Variants in TACC2 observed in about 807,000 individuals in gnomAD.
The protein encoded by TACC2 is transforming acidic coiled-coil containing protein 2.
Under a neutral mutation model 227.3 loss-of-function variants are expected in TACC2, and 137 were observed. That is an observed-to-expected ratio of 0.60 (90% CI 0.52 to 0.69). TACC2 has a LOEUF of 0.69. TACC2 is among the 30% of genes least tolerant of loss of function. The pLI is 0.00. For missense variants in TACC2, 3,470 were observed against 3,694.4 expected (o/e 0.94, Z 1.57); for synonymous variants, 1,523 against 1,487.5 (o/e 1.02, Z -0.55).
intron 5 of TACC2, among the ~76,000 whole-genome samples, chr10:122,094,401 C>T (rs1318836746): frequency 1.3e-5 from 2 of 152,162 alleles, no homozygotes; most frequent in African/African-American, 4.8e-5. Context: ...CTCCGTGCCT[C>T]CCAAGTAGCT....
intron 1 of TACC2, among the ~76,000 whole-genome samples, chr10:122,004,108 G>A (rs1954761904): frequency 1.3e-5 from 2 of 151,998 alleles, no homozygotes; most frequent in Admixed American, 1.3e-4. Flanking sequence ...TAAGATGTAG[G>A]TGTAGTTGGC....
chr10:122,061,508 G>A (rs971684705), intron 3 of TACC2, among the ~76,000 whole-genome samples: 9 of 152,142 alleles, frequency 5.9e-5, no homozygotes, highest in African/African-American at 2.2e-4. Flanking sequence ...ACAGACCCGG[G>A]CTTGTGCTGG....
At chr10:122,195,215 A>T (rs760219982) in intron 8 of TACC2, 39 bp downstream of exon 8, 1 of 1,554,680 alleles carries the variant, frequency 6.4e-7, no homozygotes, top group Non-Finnish European at 8.7e-7. Context: ...AGCCCTGTAG[A>T]GTTGTGAGCC....
At chr10:122,074,193 G>T (rs1238957057) in intron 3 of TACC2, among the ~76,000 whole-genome samples, 1 of 150,534 alleles carries the variant, frequency 6.6e-6, no homozygotes, top group African/African-American at 2.4e-5. Context: ...CGATTCTCCT[G>T]CCTCAGCCTC....
rs76262071 is a variant in TACC2 at position 122,077,258 on chromosome 10, G to A, written c.147-5389G>A. Reference sequence around the variant, plus strand: ...TAGCCATCCATCCTGGCACTCACTCGTACATTCATATATCAACAACATTTT... The same window carrying A: ...TAGCCATCCATCCTGGCACTCACTCATACATTCATATATCAACAACATTTT... On this transcript the variant is annotated intron_variant, in intron 3 of 22. Transcript: ENST00000369005. Among the ~76,000 whole-genome samples, 457 of 152,016 alleles carry A rather than the reference G, an allele frequency of 3.0e-3. 1 individual carries two copies. Among genetic ancestry groups the A allele is most frequent in the Non-Finnish European group, 4.4e-3 (298 of 68,010 alleles).
At chr10:122,121,754 G>A (rs1036372474) in intron 5 of TACC2, among the ~76,000 whole-genome samples, 13 of 152,178 alleles carry the variant, frequency 8.5e-5, no homozygotes, top group African/African-American at 2.4e-4. Flanking sequence ...TGCATTGCTG[G>A]CTGTGGGCTA....
At chr10:122,158,681 C>G (rs1245163775) in intron 7 of TACC2, among the ~76,000 whole-genome samples, 1 of 152,154 alleles carries the variant, frequency 6.6e-6, no homozygotes, top group Admixed American at 6.5e-5. Flanking sequence ...AAGGAGAGAA[C>G]AAGAGAACCT....
intron 5 of TACC2, among the ~76,000 whole-genome samples, chr10:122,090,342 C>T (rs562082044): frequency 3.3e-5 from 5 of 151,838 alleles, no homozygotes; most frequent in African/African-American, 9.6e-5. Context: ...GTCAGGAGAT[C>T]GAGACCATCC....
At chr10:122,203,506 T>A (rs1480300364) in intron 8 of TACC2, among the ~76,000 whole-genome samples, 1 of 147,552 alleles carries the variant, frequency 6.8e-6, no homozygotes, top group Non-Finnish European at 1.5e-5. Context: ...GCGGAGGGGC[T>A]CCTCACTTCT....
Position 122,209,534 on chromosome 10 carries a change from A to G in TACC2, c.5972-863A>G, listed in dbSNP as rs1390377009. ...CTACCCAGGATGCTTCCTCCCCAGGAGTCCTCCTGTTTCATGCACTTACCT... is the reference window on the plus strand; with the variant it reads ...CTACCCAGGATGCTTCCTCCCCAGGGGTCCTCCTGTTTCATGCACTTACCT... On this transcript the variant is annotated intron_variant, in intron 8 of 22. Coordinates refer to ENST00000369005, the MANE Select transcript of TACC2 (RefSeq NM_206862.4). The surrounding 1 kb of genome is among the most constrained non-coding windows in gnomAD (Gnocchi z 4.5). Among the ~76,000 whole-genome samples, 1 of 152,100 alleles carries G rather than the reference A, an allele frequency of 6.6e-6. No individual in the cohort carries two copies. Among genetic ancestry groups the G allele is most frequent in the Non-Finnish European group, 1.5e-5 (1 of 68,018 alleles).
chr10:122,079,126 A>C (rs888110984), intron 3 of TACC2: 1 of 152,182 alleles, frequency 6.6e-6, no homozygotes. Flanking sequence ...TGAATTACAC[A>C]CCATTACTCT....
Position 122,192,551 on chromosome 10 carries a change from TCA to T in TACC2, c.5835-2486_5835-2485del, listed in dbSNP as rs1249437881. ...CGGGGCCTCCGGACGCTGGAGAAGC[TCA>T]CAGCATCTGTGGCCGGTGGTGCAGC... On this transcript the variant is annotated intron_variant, in intron 7 of 22. Transcript: ENST00000369005. The T allele has an allele frequency of 1.3e-5, 5 of 390,412 alleles. No homozygotes were observed. In the Admixed American group the frequency reaches 1.3e-4, roughly 11 times the overall value. The allele number at this position is 390,412 out of a possible 1,614,324, so 24.2% of individuals were successfully genotyped here. A position where few individuals can be genotyped will look rare whatever the true frequency, so the allele number is the denominator to read the frequency against.
Position 122,180,556 on chromosome 10 carries a change from T to C in TACC2, c.5835-14484T>C, listed in dbSNP as rs1455263908. On this transcript the variant is annotated intron_variant, in intron 7 of 22. Coordinates refer to ENST00000369005, the MANE Select transcript of TACC2 (RefSeq NM_206862.4). The surrounding 1 kb of genome is among the most constrained non-coding windows in gnomAD (Gnocchi z 4.5). ...GGTTTCACCATGTTAGCCAGGATGGTCTCGATCTCCTGACCTTGTGATCCA... is the reference window on the plus strand; with the variant it reads ...GGTTTCACCATGTTAGCCAGGATGGCCTCGATCTCCTGACCTTGTGATCCA... Among the ~76,000 whole-genome samples, 1 of 152,140 alleles carries C rather than the reference T, an allele frequency of 6.6e-6. No homozygotes were observed. Among genetic ancestry groups the C allele is most frequent in the African/African-American group, 2.4e-5 (1 of 41,426 alleles).
At chr10:122,245,005 G>T (rs910840064) in intron 19 of TACC2, 1 of 152,202 alleles carries the variant, frequency 6.6e-6, no homozygotes, top group South Asian at 2.1e-4. Context: ...CAACTGCCCT[G>T]ATTATCTGTT....
At chr10:122,101,612 T>TG (rs2082160373) in intron 5 of TACC2, among the ~76,000 whole-genome samples, 1 of 130,190 alleles carries the variant, frequency 7.7e-6, no homozygotes. Flanking sequence ...CAGGCTGGAG[T>TG]GCAGTGGTGT....
intron 16 of TACC2, among the ~76,000 whole-genome samples, chr10:122,237,076 G>A (rs1472283258): frequency 6.6e-6 from 1 of 152,172 alleles, no homozygotes; most frequent in East Asian, 1.9e-4. Flanking sequence ...GTTCTCAGGC[G>A]CTGTGCCTAA....
intron 5 of TACC2, among the ~76,000 whole-genome samples, chr10:122,096,381 C>A (rs892294120): frequency 6.6e-6 from 1 of 152,218 alleles, no homozygotes; most frequent in Non-Finnish European, 1.5e-5. Context: ...CCACAAACCC[C>A]CCGGTGGCCA....
chr10:122,000,073 A>C (rs553729802), intron 1 of TACC2, among the ~76,000 whole-genome samples: 1 of 152,204 alleles, frequency 6.6e-6, no homozygotes, highest in Non-Finnish European at 1.5e-5. Context: ...TCATGTATGA[A>C]GTGCAACGGG....
intron 5 of TACC2, among the ~76,000 whole-genome samples, chr10:122,111,526 C>T (rs2083606452): frequency 6.6e-6 from 1 of 152,210 alleles, no homozygotes; most frequent in Non-Finnish European, 1.5e-5. Flanking sequence ...GAGTCTCGCT[C>T]TGTCGCCAGG....
Sources: allele counts gnomAD v4.1 joint callset (sites outside exome capture counted in the v4.1 genomes callset), GRCh38; gene constraint gnomAD v4.1.1; non-coding constraint Gnocchi (gnomAD v3.1); transcripts MANE v1.5; gene names NCBI Gene and HGNC (gene_info 2026-07-23, HGNC 2026-07-21).